CORO2B: variants seen among roughly 807,000 people sequenced by gnomAD.
The protein encoded by CORO2B is coronin-2B.
Under a neutral mutation model 58.8 loss-of-function variants are expected in CORO2B, and 26 were observed. The ratio of observed to expected loss-of-function variants is 0.44; its 90% CI spans 0.32 to 0.61. The LOEUF (loss-of-function observed/expected upper bound fraction) is 0.61, where lower values mean the gene tolerates loss of function less well. CORO2B is among the 20% of genes least tolerant of loss of function. The pLI is 0.04. For missense variants in CORO2B, 460 were observed against 645.1 expected (o/e 0.71, Z 3.11); for synonymous variants, 242 against 253.8 (o/e 0.95, Z 0.44).
At chr15:68,550,498 TA>T in the CORO2B span, among the ~76,000 whole-genome samples, 56 of 152,296 alleles carry the variant, frequency 3.7e-4, no homozygotes, top group African/African-American at 1.3e-3. Flanking sequence ...TCATCATCTA[TA>T]AAATTGAACC....
chr15:68,542,124 C>T, the CORO2B span, among the ~76,000 whole-genome samples: 1 of 152,184 alleles, frequency 6.6e-6, no homozygotes, highest in Non-Finnish European at 1.5e-5. Context: ...TTAGTTGTTT[C>T]AGGTGGGCTA....
the CORO2B span, among the ~76,000 whole-genome samples, chr15:68,542,807 G>T: frequency 6.6e-6 from 1 of 152,258 alleles, no homozygotes; most frequent in Non-Finnish European, 1.5e-5. Flanking sequence ...GCAGAGGTAT[G>T]CAGTGCTACC....
the CORO2B span, among the ~76,000 whole-genome samples, chr15:68,550,709 C>T: frequency 2.6e-5 from 4 of 152,230 alleles, no homozygotes; most frequent in South Asian, 8.3e-4. Context: ...AACAAATCTA[C>T]CTGCAGGCGC....
chr15:68,540,138 C>T, the CORO2B span, among the ~76,000 whole-genome samples: 1 of 152,234 alleles, frequency 6.6e-6, no homozygotes, highest in Non-Finnish European at 1.5e-5. Context: ...ATCCATTTGT[C>T]AACCTTGCAC....
intron 2 of CORO2B, among the ~76,000 whole-genome samples, chr15:68,650,093 TA>T (rs1901582853): frequency 6.6e-6 from 1 of 152,014 alleles, no homozygotes; most frequent in Non-Finnish European, 1.5e-5. Context: ...TTAATCACAT[TA>T]AAAATATCTA....
At chr15:68,701,474 G>A (rs1892645086) in intron 3 of CORO2B, among the ~76,000 whole-genome samples, 1 of 65,808 alleles carries the variant, frequency 1.5e-5, no homozygotes, top group Non-Finnish European at 3.5e-5. Flanking sequence ...ACCACGCCCG[G>A]CTAATTTTTT....
the CORO2B span, among the ~76,000 whole-genome samples, chr15:68,533,775 G>C: frequency 6.6e-6 from 1 of 152,144 alleles, no homozygotes; most frequent in Non-Finnish European, 1.5e-5. Context: ...AAATGTATTA[G>C]AGCAAGAGTA....
At chr15:68,537,544 C>T in the CORO2B span, among the ~76,000 whole-genome samples, 144,053 of 152,078 alleles carry the variant, frequency 0.95, 68,318 homozygotes, top group East Asian at 1. Flanking sequence ...AGGTTTGTTA[C>T]GTAGGTAAAT....
chr15:68,675,116 G>A (rs1357766770), intron 2 of CORO2B, among the ~76,000 whole-genome samples: 2 of 152,198 alleles, frequency 1.3e-5, no homozygotes, highest in African/African-American at 4.8e-5. Context: ...AGCTCCGTGA[G>A]CCACACTGAA....
intron 1 of CORO2B, among the ~76,000 whole-genome samples, chr15:68,640,277 C>T (rs1019660324): frequency 5.9e-5 from 9 of 152,242 alleles, no homozygotes; most frequent in African/African-American, 2.2e-4. Flanking sequence ...GGTGTGTGCT[C>T]ACACATTCCC....
the CORO2B span, among the ~76,000 whole-genome samples, chr15:68,568,983 G>T: frequency 3.9e-5 from 6 of 151,984 alleles, no homozygotes; most frequent in Non-Finnish European, 7.4e-5. Context: ...GAACCTAAAA[G>T]AAAATAAAAA....
chr15:68,655,352 C>G (rs925893230), intron 2 of CORO2B, among the ~76,000 whole-genome samples: 1 of 152,166 alleles, frequency 6.6e-6, no homozygotes, highest in Non-Finnish European at 1.5e-5. Flanking sequence ...CTGAGCCAGG[C>G]TGAAGCCACA....
chr15:68,573,478 C>A, the CORO2B span, among the ~76,000 whole-genome samples: 3 of 151,970 alleles, frequency 2.0e-5, no homozygotes, highest in African/African-American at 7.3e-5. Context: ...TCTGCCAGGC[C>A]AGAGAGCAGG....
chr15:68,724,162 A>G (rs1267422352), intron 11 of CORO2B, among the ~76,000 whole-genome samples: 2 of 152,222 alleles, frequency 1.3e-5, no homozygotes, highest in Non-Finnish European at 2.9e-5. Flanking sequence ...AGATCGCGCC[A>G]CTGCACTCCA....
In CORO2B at chr15:68,616,275, A is replaced by T. The variant is rs1027781107; in HGVS notation, c.16-28885A>T. On this transcript the variant is annotated intron_variant, in intron 1 of 11. Coordinates refer to ENST00000261861, the MANE Select transcript of CORO2B (RefSeq NM_006091.5). ...CTTCCCCATCACCTCAGATGCACTT[A>T]TTCGGGGGAAAAAGGGTTAAGAATC... 5.3e-5 allele frequency among the ~76,000 whole-genome samples: 8 copies of T among 152,330 alleles called. No homozygotes were observed. The South Asian group carries it at 1.2e-3, about 24-fold the overall frequency.
chr15:68,563,690 A>G, the CORO2B span, among the ~76,000 whole-genome samples: 1,714 of 152,250 alleles, frequency 0.011, 34 homozygotes, highest in African/African-American at 0.037. Flanking sequence ...TAATGTCAGA[A>G]ATGAAATTGG....
chr15:68,653,689 T>C (rs1901713013), intron 2 of CORO2B, among the ~76,000 whole-genome samples: 1 of 152,104 alleles, frequency 6.6e-6, no homozygotes, highest in Non-Finnish European at 1.5e-5. Context: ...GTCTGAGGCC[T>C]AATATTAAAA....
chr15:68,677,347 T>C (rs1487058718), intron 2 of CORO2B, among the ~76,000 whole-genome samples: 1 of 152,128 alleles, frequency 6.6e-6, no homozygotes, highest in Non-Finnish European at 1.5e-5. Context: ...CAAAGCCCCA[T>C]TGTACAGATG....
chr15:68,720,590 T>C (rs1893137553), intron 11 of CORO2B, among the ~76,000 whole-genome samples: 1 of 152,174 alleles, frequency 6.6e-6, no homozygotes, highest in Non-Finnish European at 1.5e-5. Context: ...TCAGGGGCTA[T>C]TGGAGTGAGG....
Sources: allele counts gnomAD v4.1 joint callset (sites outside exome capture counted in the v4.1 genomes callset), GRCh38; gene constraint gnomAD v4.1.1; transcripts MANE v1.5; gene names NCBI Gene and HGNC (gene_info 2026-07-23, HGNC 2026-07-21).